The following SMAD7 variants were observed in gnomAD, a reference collection of about 807,000 sequenced individuals.
The protein encoded by SMAD7 is MAD (mothers against decapentaplegic, Drosophila) homolog 7.
SMAD7 carries 8 observed loss-of-function variants against 38.7 expected under a neutral mutation model. The observed-to-expected ratio is 0.21, with a 90% CI of 0.12 to 0.37. The LOEUF is 0.37. Among genes scored for constraint, SMAD7 ranks in the 10% least tolerant of loss-of-function variants. SMAD7 has a pLI of 1.00. For synonymous variants in SMAD7, 327 were observed against 265.1 expected (o/e 1.23, Z -2.27); for missense variants, 477 against 577.9 (o/e 0.83, Z 1.79).
chr18:48,936,175 A>G (rs543886984), intron 3 of SMAD7, among the ~76,000 whole-genome samples: 4 of 151,300 alleles, frequency 2.6e-5, no homozygotes, highest in East Asian at 1.9e-4. Context: ...TGGTCCATCA[A>G]TGTACTTCCC....
chr18:48,927,284 G>A (rs2069939974), intron 3 of SMAD7, among the ~76,000 whole-genome samples: 2 of 151,820 alleles, frequency 1.3e-5, no homozygotes, highest in Admixed American at 1.3e-4. Context: ...AATCCTGGCT[G>A]GTGGAAGGCT....
chr18:48,942,866 G>A (rs1302638688), intron 2 of SMAD7: 2 of 1,026,046 alleles, frequency 1.9e-6, no homozygotes, highest in African/African-American at 3.5e-5. Context: ...GGTTCCCAAG[G>A]TCAAAGGAGG....
At chr18:48,922,815 C>T (rs538976214) in intron 3 of SMAD7, among the ~76,000 whole-genome samples, 3 of 152,220 alleles carry the variant, frequency 2.0e-5, no homozygotes, top group African/African-American at 4.8e-5. Flanking sequence ...GCCTGCAGGG[C>T]GCCCTGCTCC....
intron 3 of SMAD7, among the ~76,000 whole-genome samples, chr18:48,940,140 A>G (rs2070120917): frequency 6.6e-6 from 1 of 151,592 alleles, no homozygotes; most frequent in Non-Finnish European, 1.5e-5. Context: ...AAAACAGTGT[A>G]CCCTCCCCAC....
intron 1 of SMAD7, 88 bp downstream of exon 1, chr18:48,949,724 G>A (rs899722960): frequency 2.8e-6 from 4 of 1,407,096 alleles, no homozygotes; most frequent in Non-Finnish European, 2.9e-6. Flanking sequence ...CCCCTGGAGG[G>A]ATGGCTGCAC....
chr18:48,921,948 G>A lies in SMAD7; in HGVS notation c.743-38C>T. ...TTGGCAGAGAGGGTTAGTGGGGACA[G>A]GCATTGGTGACTCCTAGAATGAAGA... is the stretch of plus-strand genomic sequence containing the variant. On this transcript the variant is annotated intron_variant, in intron 3 of 3. Coordinates refer to ENST00000262158, the MANE Select transcript of SMAD7 (RefSeq NM_005904.4). This position sits in a 1 kb window ranked among gnomAD's most constrained non-coding sequence, Gnocchi z 6.4. 1.3e-6 allele frequency: 2 copies of A among 1,521,288 alleles called. No homozygotes were observed. Among genetic ancestry groups the A allele is most frequent in the South Asian group, 1.2e-5 (1 of 80,608 alleles). 94.2% of individuals were successfully genotyped at this position (1,521,288 alleles called of 1,614,324 possible).
intron 3 of SMAD7, among the ~76,000 whole-genome samples, chr18:48,925,780 T>C (rs538399560): frequency 5.9e-5 from 9 of 151,972 alleles, no homozygotes; most frequent in African/African-American, 1.9e-4. Flanking sequence ...GGAGTCTCGC[T>C]CTGTCGCCCA....
intron 3 of SMAD7, among the ~76,000 whole-genome samples, chr18:48,937,916 AC>A (rs2070090247): frequency 6.6e-6 from 1 of 152,160 alleles, no homozygotes; most frequent in South Asian, 2.1e-4. Context: ...GGCATTAGAG[AC>A]CTCAGTGAAA....
At chr18:48,929,054 G>T (rs924451014) in intron 3 of SMAD7, among the ~76,000 whole-genome samples, 2 of 151,704 alleles carry the variant, frequency 1.3e-5, no homozygotes, top group Admixed American at 1.3e-4. Context: ...CAGAGGAAGG[G>T]TGGGGACTCC....
At chr18:48,945,506 G>A (rs183426126) in intron 2 of SMAD7, among the ~76,000 whole-genome samples, 1 of 152,276 alleles carries the variant, frequency 6.6e-6, no homozygotes, top group African/African-American at 2.4e-5. Context: ...AAATTTCTAG[G>A]TAGGCACATC....
intron 2 of SMAD7, among the ~76,000 whole-genome samples, chr18:48,944,717 A>C (rs1377431829): frequency 6.6e-6 from 1 of 152,042 alleles, no homozygotes; most frequent in Non-Finnish European, 1.5e-5. Context: ...AAGGAGCCAT[A>C]CCTCCATCTC....
chr18:48,948,446 A>T lies in SMAD7; in HGVS notation c.614-9T>A, dbSNP rs546444444. The stretch of plus-strand genomic sequence containing the variant: ...AGGAGGGGGGGGAGACTCTGAAATT[A>T]AAAAAGCAAGAGAAAATAAAGGCCC... On this transcript the variant is annotated splice_polypyrimidine_tract_variant and intron_variant, in intron 1 of 3. Coordinates refer to ENST00000262158, the MANE Select transcript of SMAD7 (RefSeq NM_005904.4). 2.3e-5 allele frequency: 37 copies of T among 1,586,964 alleles called. No individual in the cohort carries two copies. In the South Asian group the frequency reaches 3.7e-4, roughly 16 times the overall value.
intron 3 of SMAD7, among the ~76,000 whole-genome samples, chr18:48,931,952 C>G (rs912347090): frequency 6.8e-6 from 1 of 147,806 alleles, no homozygotes; most frequent in African/African-American, 2.6e-5. Context: ...GCAGGCCCCA[C>G]GATCCTGGGC....
intron 3 of SMAD7, among the ~76,000 whole-genome samples, chr18:48,935,295 A>G (rs1174717634): frequency 1.3e-5 from 2 of 152,240 alleles, no homozygotes; most frequent in African/African-American, 4.8e-5. Flanking sequence ...AGTTAATAAT[A>G]TCTTCCCGCT....
chr18:48,921,518 G>T lies in SMAD7; in HGVS notation c.1135C>A (p.Arg379=), dbSNP rs759764449. 1.4e-5 allele frequency: 23 copies of T among 1,614,230 alleles called. No individual in the cohort carries two copies. Among genetic ancestry groups the T allele is most frequent in the Non-Finnish European group, 1.9e-5 (22 of 1,180,038 alleles). The stretch of plus-strand genomic sequence containing the variant: ...TGCATAAACTCGTGGTCATTGGGCC[G>T]CTGCAGGCTGTACGCCTTCTCGTAG... ...FDYEKAYSLQ[R]PNDHEFMQQP... The change falls in exon 4 of 4, where the codon CGG becomes AGG. Residue 379 remains arginine (R), a synonymous_variant. Transcript: ENST00000262158. This position sits in a 1 kb window ranked among gnomAD's most constrained non-coding sequence, Gnocchi z 6.4.
chr18:48,921,531 C>A lies in SMAD7; in HGVS notation c.1122G>T (p.Ala374=). Residue 374 remains alanine, a synonymous_variant, in exon 4 of 4, where the codon GCG becomes GCT. Coordinates refer to ENST00000262158, the MANE Select transcript of SMAD7 (RefSeq NM_005904.4). This position sits in a 1 kb window ranked among gnomAD's most constrained non-coding sequence, Gnocchi z 6.4. The part of the protein sequence containing the change: ...FSIKAFDYEK[A]YSLQRPNDHE... Reference sequence around the variant, plus strand: ...GGTCATTGGGCCGCTGCAGGCTGTACGCCTTCTCGTAGTCGAAAGCCTTGA... The same window carrying A: ...GGTCATTGGGCCGCTGCAGGCTGTAAGCCTTCTCGTAGTCGAAAGCCTTGA... 3 of 1,614,224 alleles carry A rather than the reference C, an allele frequency of 1.9e-6. No homozygotes were observed. The highest frequency in any genetic ancestry group is 2.5e-6 in the Non-Finnish European group (3 of 1,180,046).
intron 1 of SMAD7, among the ~76,000 whole-genome samples, chr18:48,948,817 C>A (rs528690243): frequency 5.3e-5 from 8 of 152,268 alleles, no homozygotes; most frequent in Non-Finnish European, 7.3e-5. Context: ...GCCCGCCCCC[C>A]AGGCGTGCAA....
At chr18:48,949,680 G>T in intron 1 of SMAD7, 132 bp downstream of exon 1, 14 of 963,718 alleles carry the variant, frequency 1.5e-5, no homozygotes, top group Non-Finnish European at 2.1e-5. Context: ...TCCCAGGAGG[G>T]TATGCACACT....
intron 3 of SMAD7, among the ~76,000 whole-genome samples, chr18:48,931,550 A>G (rs1258704694): frequency 6.6e-6 from 1 of 152,248 alleles, no homozygotes; most frequent in Non-Finnish European, 1.5e-5. Flanking sequence ...TTTGCGAGCC[A>G]AGAGACAGAA....
Sources: gnomAD v4.1 joint callset for allele counts (sites outside exome capture counted in the v4.1 genomes callset) on GRCh38, gnomAD v4.1.1 for gene constraint, Gnocchi (gnomAD v3.1) non-coding constraint, MANE v1.5 for transcripts, NCBI Gene and HGNC (gene_info 2026-07-23, HGNC 2026-07-21) for gene names.